The following TLK2 variants were observed in gnomAD, a reference collection of about 807,000 sequenced individuals.
The protein encoded by TLK2 is serine/threonine-protein kinase tousled-like 2.
A neutral mutation model predicts 117.3 loss-of-function variants in TLK2; 6 were observed. The ratio of observed to expected loss-of-function variants is 0.05; its 90% CI spans 0.03 to 0.10. TLK2 has a LOEUF of 0.10. Among genes scored for constraint, TLK2 ranks in the 10% least tolerant of loss-of-function variants. The probability of loss-of-function intolerance (pLI) is 1.00; values close to 1 mark genes in which losing one functional copy is unlikely to be tolerated. For missense variants in TLK2, 299 were observed against 901.2 expected, an observed-to-expected ratio of 0.33 and a Z score of 8.56; for synonymous variants, 257 against 316.7, an observed-to-expected ratio of 0.81 and a Z score of 2.00.
chr17:62,603,032 A>C (rs183685437), intron 19 of TLK2, among the ~76,000 whole-genome samples: 59 of 152,334 alleles, frequency 3.9e-4, no homozygotes, highest in African/African-American at 1.3e-3. Flanking sequence ...ATTTGCTTCA[A>C]GAGTTGCAAG....
intron 9 of TLK2, among the ~76,000 whole-genome samples, chr17:62,555,640 G>A (rs548462971): frequency 5.0e-4 from 76 of 151,722 alleles, no homozygotes; most frequent in Non-Finnish European, 8.5e-4. Context: ...CCGCCACCAC[G>A]CCCAGCTAAT....
At chr17:62,538,035 T>TTG (rs1435763785) in intron 7 of TLK2, among the ~76,000 whole-genome samples, 9 of 140,460 alleles carry the variant, frequency 6.4e-5, no homozygotes, top group Admixed American at 1.4e-4. Flanking sequence ...AAATCTTTGT[T>TTG]TTTTTTTTTT....
intron 17 of TLK2, among the ~76,000 whole-genome samples, chr17:62,598,440 C>T (rs2082636912): frequency 1.3e-5 from 2 of 152,076 alleles, no homozygotes; most frequent in South Asian, 4.1e-4. Context: ...ATAAGTCAGA[C>T]CATGATTTTT....
At chr17:62,602,213 T>C (rs1189599151) in intron 19 of TLK2, 33 bp downstream of exon 19, 5 of 1,606,414 alleles carry the variant, frequency 3.1e-6, no homozygotes, top group Non-Finnish European at 4.3e-6. Context: ...AGGTTGGCTA[T>C]AGAGATGTGG....
chr17:62,536,380 C>G (rs2077115747), intron 7 of TLK2, 43 bp downstream of exon 7: 2 of 1,560,966 alleles, frequency 1.3e-6, no homozygotes. Flanking sequence ...TTCCATTGCC[C>G]TAGTGCTCCT....
At chr17:62,521,039 C>T (rs1234519172) in intron 3 of TLK2, among the ~76,000 whole-genome samples, 195 bp downstream of exon 3, 1 of 152,136 alleles carries the variant, frequency 6.6e-6, no homozygotes, top group Non-Finnish European at 1.5e-5. Flanking sequence ...TGGTGGTACA[C>T]ACCTGTGGCC....
At chr17:62,484,443 C>T (rs1373183893) in intron 2 of TLK2, among the ~76,000 whole-genome samples, 3 of 151,516 alleles carry the variant, frequency 2.0e-5, no homozygotes, top group African/African-American at 7.3e-5. Flanking sequence ...ATTACAGGCA[C>T]GTGCCACCAT....
At chr17:62,592,134 T>G (rs1027474843) in intron 16 of TLK2, among the ~76,000 whole-genome samples, 3 of 151,968 alleles carry the variant, frequency 2.0e-5, no homozygotes, top group Non-Finnish European at 4.4e-5. Flanking sequence ...TGTATTTTTT[T>G]TTTTAGTAGA....
chr17:62,610,280 C>G (rs2083642912), intron 21 of TLK2, among the ~76,000 whole-genome samples: 1 of 152,172 alleles, frequency 6.6e-6, no homozygotes, highest in African/African-American at 2.4e-5. Context: ...TCTCCTAATC[C>G]TACCCTCTTC....
At chr17:62,497,208 C>T (rs182215228) in intron 2 of TLK2, among the ~76,000 whole-genome samples, 24 of 151,946 alleles carry the variant, frequency 1.6e-4, no homozygotes, top group East Asian at 1.4e-3. Flanking sequence ...AGGTCAAAGC[C>T]AGAGTGAGTT....
At chr17:62,586,312 T>G in intron 16 of TLK2, 86 bp downstream of exon 16, 1 of 930,518 alleles carries the variant, frequency 1.1e-6, no homozygotes. Context: ...CGTGCATTGT[T>G]GTTGGTTTTG....
At chr17:62,551,149 C>T (rs2078429094) in intron 7 of TLK2, among the ~76,000 whole-genome samples, 1 of 152,092 alleles carries the variant, frequency 6.6e-6, no homozygotes, top group Admixed American at 6.6e-5. Flanking sequence ...TAACCTGTGA[C>T]AATGACAGTG....
intron 16 of TLK2, among the ~76,000 whole-genome samples, chr17:62,594,937 T>A (rs528572986): frequency 1.3e-5 from 2 of 151,878 alleles, no homozygotes; most frequent in East Asian, 3.9e-4. Flanking sequence ...ACAAACAGAC[T>A]CCACATGGAC....
intron 2 of TLK2, chr17:62,516,220 C>T (rs1255402796): frequency 1.8e-5 from 13 of 717,864 alleles, no homozygotes; most frequent in Admixed American, 6.8e-5. Flanking sequence ...TCACCGCGCC[C>T]GGCTCTCCCT....
upstream of TLK2, among the ~76,000 whole-genome samples, chr17:62,474,051 A>G (rs968687242): frequency 5.9e-5 from 9 of 152,004 alleles, no homozygotes; most frequent in African/African-American, 2.2e-4. Context: ...ATATGGCAAC[A>G]TGCGCATCTA....
chr17:62,535,045 C>T (rs1192225429), intron 6 of TLK2, among the ~76,000 whole-genome samples: 10 of 151,856 alleles, frequency 6.6e-5, no homozygotes, highest in Non-Finnish European at 1.2e-4. Context: ...CCCACGACCA[C>T]GCCTGGATAA....
chr17:62,568,261 G>T (rs2079964071), intron 11 of TLK2, among the ~76,000 whole-genome samples: 1 of 151,766 alleles, frequency 6.6e-6, no homozygotes, highest in African/African-American at 2.4e-5. Flanking sequence ...ATGAAACCCT[G>T]TCTTTACTAA....
chr17:62,596,783 C>A, intron 17 of TLK2, 109 bp downstream of exon 17: 1 of 860,160 alleles, frequency 1.2e-6, no homozygotes, highest in Non-Finnish European at 1.8e-6. Flanking sequence ...CTGAGGGAAC[C>A]AAGTAATTTG....
At chr17:62,513,738 G>A (rs1459532852) in intron 2 of TLK2, among the ~76,000 whole-genome samples, 6 of 152,100 alleles carry the variant, frequency 3.9e-5, no homozygotes, top group African/African-American at 1.4e-4. Context: ...ACCCAGGCTA[G>A]AGTACAGTGG....
Sources: allele counts gnomAD v4.1 joint callset (sites outside exome capture counted in the v4.1 genomes callset), GRCh38; gene constraint gnomAD v4.1.1; transcripts MANE v1.5; gene names NCBI Gene and HGNC (gene_info 2026-07-23, HGNC 2026-07-21).